MMS22L: variants seen among roughly 807,000 people sequenced by gnomAD.
The protein encoded by MMS22L is protein MMS22-like.
In MMS22L, 74 loss-of-function variants were observed where a neutral mutation model predicts 159.1. The observed-to-expected ratio is 0.47, with a 90% CI of 0.39 to 0.56. The LOEUF is 0.56. Ranked by LOEUF, MMS22L falls within the 20% of genes least tolerant of loss-of-function variation. The pLI is 0.00. For missense variants in MMS22L, 1,351 were observed against 1,422.1 expected, an observed-to-expected ratio of 0.95 and a Z score of 0.80; for synonymous variants, 517 against 506.9, an observed-to-expected ratio of 1.02 and a Z score of -0.27.
intron 14 of MMS22L, among the ~76,000 whole-genome samples, chr6:97,227,439 G>C (rs1477952677): frequency 6.6e-6 from 1 of 152,038 alleles, no homozygotes; most frequent in Non-Finnish European, 1.5e-5. Context: ...CAGATATATA[G>C]AGACAAACCA....
chr6:97,199,286 C>T (rs998114928), intron 14 of MMS22L, among the ~76,000 whole-genome samples: 5 of 152,104 alleles, frequency 3.3e-5, no homozygotes, highest in Non-Finnish European at 5.9e-5. Flanking sequence ...AGCATTTTTC[C>T]TAATTGTTGG....
intron 10 of MMS22L, among the ~76,000 whole-genome samples, chr6:97,252,762 T>C (rs1020840654): frequency 1.3e-5 from 2 of 152,168 alleles, no homozygotes; most frequent in African/African-American, 2.4e-5. Context: ...CATACTTACT[T>C]ACATTGATTA....
At chr6:97,147,099 A>G (rs1376141313) in intron 24 of MMS22L, among the ~76,000 whole-genome samples, 1 of 152,158 alleles carries the variant, frequency 6.6e-6, no homozygotes, top group Non-Finnish European at 1.5e-5. Context: ...TGATTTTTAT[A>G]TATAAAATGT....
rs777902571 is a variant in MMS22L, at chr6:97,246,680, T to G, written c.1130A>C (p.Glu377Ala). The G allele has an allele frequency of 9.4e-6, 15 of 1,604,068 alleles. No individual in the cohort carries two copies. In the Admixed American group the frequency reaches 2.6e-4, roughly 27 times the overall value. ...HGVPDEMRKVESNWNFVEELL... is the reference protein window; with the variant it reads ...HGVPDEMRKVASNWNFVEELL... Reference sequence around the variant, plus strand: ...TTCTTCTACAAAGTTCCAATTTGATTCCACTTTTCTCTAGAAAGGGAGAAA... The same window carrying G: ...TTCTTCTACAAAGTTCCAATTTGATGCCACTTTTCTCTAGAAAGGGAGAAA... Residue 377 changes from glutamate (E) to alanine (A), a missense_variant, in exon 11 of 25, where the codon GAA (glutamate) becomes GCA (alanine). Glu to Ala is a moderately radical substitution (Grantham distance 107, BLOSUM62 -1). Coordinates refer to ENST00000683635, the MANE Select transcript of MMS22L (RefSeq NM_001350599.2).
At chr6:97,177,699 C>T (rs1804266558) in intron 18 of MMS22L, among the ~76,000 whole-genome samples, 1 of 152,092 alleles carries the variant, frequency 6.6e-6, no homozygotes, top group Non-Finnish European at 1.5e-5. Flanking sequence ...TGCATGACAT[C>T]TCTAATTGTC....
In MMS22L at chr6:97,146,040, G is replaced by A. The variant is rs1293883469; in HGVS notation, c.*766C>T. 1 of 151,540 alleles carries A rather than the reference G, an allele frequency of 6.6e-6. No individual in the cohort carries two copies. Among genetic ancestry groups the A allele is most frequent in the African/African-American group, 2.4e-5 (1 of 41,274 alleles). The allele number at this position is 151,540 out of a possible 1,614,324, so 9.4% of individuals were successfully genotyped here. On this transcript the variant is annotated 3_prime_UTR_variant, in exon 25 of 25. Coordinates refer to ENST00000683635, the MANE Select transcript of MMS22L (RefSeq NM_001350599.2). ...GACCACTACTATTGTTACTTTTCTA[G>A]AATATTTTTATTTACTCTCCTCTTA...
At chr6:97,151,218 T>C (rs1801285223) in intron 23 of MMS22L, among the ~76,000 whole-genome samples, 2 of 152,342 alleles carry the variant, frequency 1.3e-5, no homozygotes, top group South Asian at 2.1e-4. Context: ...GCATGTACAA[T>C]GGTAGTTCAG....
intron 19 of MMS22L, among the ~76,000 whole-genome samples, chr6:97,171,508 C>G (rs891801750): frequency 6.6e-6 from 1 of 152,060 alleles, no homozygotes; most frequent in Non-Finnish European, 1.5e-5. Flanking sequence ...AGAAAACTAT[C>G]AGATATGAAG....
chr6:97,278,433 A>G (rs1428198677), intron 4 of MMS22L, among the ~76,000 whole-genome samples: 2 of 151,638 alleles, frequency 1.3e-5, no homozygotes, highest in African/African-American at 4.8e-5. Context: ...AAAACCAACT[A>G]TACCAATCTA....
At chr6:97,255,401 T>C (rs1446434867) in intron 9 of MMS22L, among the ~76,000 whole-genome samples, 1 of 152,122 alleles carries the variant, frequency 6.6e-6, no homozygotes, top group Non-Finnish European at 1.5e-5. Context: ...CCATCTTAAG[T>C]AACATTGGCC....
At chr6:97,255,087 G>T (rs924375418) in intron 9 of MMS22L, among the ~76,000 whole-genome samples, 1 of 151,772 alleles carries the variant, frequency 6.6e-6, no homozygotes, top group Admixed American at 6.6e-5. Flanking sequence ...ATTCTCAAGC[G>T]GCTTGTTTCT....
intron 4 of MMS22L, among the ~76,000 whole-genome samples, chr6:97,277,530 C>T (rs1816358341): frequency 6.6e-6 from 1 of 151,992 alleles, no homozygotes; most frequent in African/African-American, 2.4e-5. Flanking sequence ...ACTATGCAAT[C>T]ACACACACTC....
intron 9 of MMS22L, chr6:97,258,836 C>G (rs1024706154): frequency 5.3e-5 from 8 of 152,076 alleles, no homozygotes; most frequent in Non-Finnish European, 7.4e-5. Flanking sequence ...CTTAAGTTAC[C>G]TGGGTTAACA....
In MMS22L at chr6:97,173,226, T is replaced by G. The variant is rs778824081; in HGVS notation, c.2680-4A>C. 6.2e-7 allele frequency: 1 copy of G among 1,603,736 alleles called. No homozygotes were observed. The highest frequency in any genetic ancestry group is 1.1e-5 in the South Asian group (1 of 88,246). On this transcript the variant is annotated splice_polypyrimidine_tract_variant and splice_region_variant and intron_variant, in intron 18 of 24. Coordinates refer to ENST00000683635, the MANE Select transcript of MMS22L (RefSeq NM_001350599.2). Reference sequence around the variant, plus strand: ...TCCCGTAAGTTACACCAACAGCCTATAAATAAAGAAAAACATTATTTAACT... The same window carrying G: ...TCCCGTAAGTTACACCAACAGCCTAGAAATAAAGAAAAACATTATTTAACT...
chr6:97,200,288 C>CAT (rs1237806248), intron 14 of MMS22L, among the ~76,000 whole-genome samples: 2 of 152,076 alleles, frequency 1.3e-5, no homozygotes, highest in Admixed American at 1.3e-4. Context: ...ATACCACATA[C>CAT]ATTCCCTATA....
At chr6:97,208,480 A>C (rs1232121206) in intron 14 of MMS22L, among the ~76,000 whole-genome samples, 2 of 152,180 alleles carry the variant, frequency 1.3e-5, no homozygotes, top group Middle Eastern at 3.4e-3. Context: ...TCAAGTGGTA[A>C]ATGTTCTGGG....
chr6:97,206,200 C>T (rs1172321129), intron 14 of MMS22L, among the ~76,000 whole-genome samples: 3 of 152,048 alleles, frequency 2.0e-5, no homozygotes, highest in Non-Finnish European at 2.9e-5. Context: ...AGGAGCACTG[C>T]TTAACTGCAG....
chr6:97,257,750 A>G (rs1813981521), intron 9 of MMS22L, among the ~76,000 whole-genome samples: 1 of 151,948 alleles, frequency 6.6e-6, no homozygotes, highest in African/African-American at 2.4e-5. Flanking sequence ...TCAAGGCATC[A>G]TATTGATGGT....
At chr6:97,234,453 G>C (rs2128007052) in intron 11 of MMS22L, among the ~76,000 whole-genome samples, 1 of 152,176 alleles carries the variant, frequency 6.6e-6, no homozygotes, top group East Asian at 1.9e-4. Flanking sequence ...TAACCTTTTA[G>C]GAGATAACAG....
Sources: gnomAD v4.1 joint callset for allele counts (sites outside exome capture counted in the v4.1 genomes callset) on GRCh38, gnomAD v4.1.1 for gene constraint, MANE v1.5 for transcripts, NCBI Gene and HGNC (gene_info 2026-07-23, HGNC 2026-07-21) for gene names.